The following MAGI1 variants were observed in gnomAD, a reference collection of about 807,000 sequenced individuals.
The protein encoded by MAGI1 is membrane-associated guanylate kinase, WW and PDZ domain-containing protein 1.
Under a neutral mutation model 139.9 loss-of-function variants are expected in MAGI1, and 58 were observed. That is an observed-to-expected ratio of 0.41 (90% CI 0.34 to 0.52). The LOEUF (loss-of-function observed/expected upper bound fraction) is 0.52, where lower values mean the gene tolerates loss of function less well. Among genes scored for constraint, MAGI1 ranks in the 20% least tolerant of loss-of-function variants. The pLI is 0.12. For missense variants in MAGI1, 1,874 were observed against 1,901.6 expected (o/e 0.99, Z 0.27); for synonymous variants, 812 against 737.9 (o/e 1.10, Z -1.63).
intron 1 of MAGI1, among the ~76,000 whole-genome samples, chr3:65,797,687 G>C (rs2040236577): frequency 1.3e-5 from 2 of 152,122 alleles, no homozygotes; most frequent in Admixed American, 1.3e-4. Context: ...CTGCACTCCA[G>C]CTTGAGCAAC....
At chr3:65,598,976 T>A (rs1042110051) in intron 2 of MAGI1, among the ~76,000 whole-genome samples, 1 of 152,196 alleles carries the variant, frequency 6.6e-6, no homozygotes, top group Non-Finnish European at 1.5e-5. Context: ...GCCTCCAGAC[T>A]GTCAAAGAAA....
At chr3:65,858,823 T>C (rs2059450766) in intron 1 of MAGI1, among the ~76,000 whole-genome samples, 1 of 152,256 alleles carries the variant, frequency 6.6e-6, no homozygotes. Context: ...TAAATTAAAA[T>C]AGTAATAAAT....
intron 3 of MAGI1, among the ~76,000 whole-genome samples, chr3:65,490,843 C>A (rs77224976): frequency 9.6e-4 from 62 of 64,732 alleles, no homozygotes; most frequent in South Asian, 1.7e-3. Context: ...GACTCTGTCT[C>A]AAAAAAAAAA....
intron 1 of MAGI1, among the ~76,000 whole-genome samples, chr3:65,783,202 T>C (rs894816321): frequency 6.6e-5 from 10 of 151,366 alleles, no homozygotes; most frequent in Non-Finnish European, 1.5e-4. Context: ...AAAGAAAGAA[T>C]AGGACAAATA....
chr3:65,927,860 A>T (rs947845924), intron 1 of MAGI1, among the ~76,000 whole-genome samples: 1 of 152,148 alleles, frequency 6.6e-6, no homozygotes, highest in African/African-American at 2.4e-5. Flanking sequence ...TGAGCCAAGC[A>T]GACCACACCT....
chr3:65,700,343 G>A (rs1041257863), intron 1 of MAGI1, among the ~76,000 whole-genome samples: 1 of 152,098 alleles, frequency 6.6e-6, no homozygotes, highest in African/African-American at 2.4e-5. Flanking sequence ...TCAGGAGGCT[G>A]AGGCAGGAGA....
chr3:65,364,293 T>C (rs1941191016), intron 20 of MAGI1, among the ~76,000 whole-genome samples: 1 of 151,826 alleles, frequency 6.6e-6, no homozygotes, highest in African/African-American at 2.4e-5. Context: ...GGCATTTTGC[T>C]CTATGGATCT....
intron 2 of MAGI1, among the ~76,000 whole-genome samples, chr3:65,567,771 G>A (rs1259446557): frequency 6.6e-6 from 1 of 152,112 alleles, no homozygotes; most frequent in Non-Finnish European, 1.5e-5. Flanking sequence ...GGGAGGTAGA[G>A]GTTGCAGTGA....
intron 1 of MAGI1, among the ~76,000 whole-genome samples, chr3:65,674,033 G>T (rs944521881): frequency 2.2e-4 from 34 of 152,140 alleles, no homozygotes; most frequent in Admixed American, 2.2e-3. Flanking sequence ...GGGCCCAGGG[G>T]TTCAGGACCA....
intron 1 of MAGI1, among the ~76,000 whole-genome samples, chr3:65,691,395 A>T (rs909038270): frequency 2.6e-5 from 4 of 152,122 alleles, no homozygotes; most frequent in African/African-American, 9.6e-5. Context: ...TTGGGAAGTC[A>T]AAATGTATGA....
At chr3:65,366,486 A>G (rs1018356408) in intron 18 of MAGI1, among the ~76,000 whole-genome samples, 12 of 152,120 alleles carry the variant, frequency 7.9e-5, no homozygotes, top group African/African-American at 2.7e-4. Flanking sequence ...TACTACACCA[A>G]TATGCCTGTG....
At chr3:65,791,541 C>T (rs992142275) in intron 1 of MAGI1, among the ~76,000 whole-genome samples, 2 of 151,804 alleles carry the variant, frequency 1.3e-5, no homozygotes, top group South Asian at 4.2e-4. Context: ...ATTTTAAACA[C>T]AGAAAAGAGA....
At chr3:66,022,298 G>A (rs1054797406) in intron 1 of MAGI1, among the ~76,000 whole-genome samples, 12 of 152,158 alleles carry the variant, frequency 7.9e-5, no homozygotes, top group Admixed American at 5.9e-4. Context: ...CCCTATGGCA[G>A]TATTTTCCCA....
At chr3:65,801,345 C>G (rs975311214) in intron 1 of MAGI1, among the ~76,000 whole-genome samples, 1 of 152,104 alleles carries the variant, frequency 6.6e-6, no homozygotes, top group African/African-American at 2.4e-5. Context: ...GAAAGAAAAT[C>G]CAAAGCTTTG....
At chr3:65,390,967 T>A (rs1047804411) in intron 14 of MAGI1, among the ~76,000 whole-genome samples, 175 bp downstream of exon 14, 3 of 152,188 alleles carry the variant, frequency 2.0e-5, no homozygotes, top group Non-Finnish European at 4.4e-5. Context: ...GAAGGCATAG[T>A]GGAGACTCCA....
At chr3:65,818,726 C>T (rs1108717) in intron 1 of MAGI1, among the ~76,000 whole-genome samples, 97,029 of 151,884 alleles carry the variant, frequency 0.64, 31,347 homozygotes, top group East Asian at 0.93. Context: ...ATACATCTTA[C>T]TGAGGAGTTT....
chr3:65,915,339 G>A (rs2061849297), intron 1 of MAGI1, among the ~76,000 whole-genome samples: 1 of 152,000 alleles, frequency 6.6e-6, no homozygotes, highest in Non-Finnish European at 1.5e-5. Context: ...AACACCAACG[G>A]GATGCTAACA....
chr3:65,569,178 C>T (rs1039174812), intron 2 of MAGI1, among the ~76,000 whole-genome samples: 1 of 152,228 alleles, frequency 6.6e-6, no homozygotes, highest in African/African-American at 2.4e-5. Context: ...ATAATCCAGA[C>T]ACAAAAGGAA....
intron 1 of MAGI1, among the ~76,000 whole-genome samples, chr3:66,013,349 G>A (rs1290377217): frequency 1.4e-5 from 2 of 147,008 alleles, no homozygotes; most frequent in East Asian, 4.0e-4. Context: ...GTTGCAGTGA[G>A]CAAAGATTGC....
Sources: gnomAD v4.1 joint callset for allele counts (sites outside exome capture counted in the v4.1 genomes callset) on GRCh38, gnomAD v4.1.1 for gene constraint, MANE v1.5 for transcripts, NCBI Gene and HGNC (gene_info 2026-07-23, HGNC 2026-07-21) for gene names.